GNAI1: variants seen among roughly 807,000 people sequenced by gnomAD.
GNAI1 encodes G protein subunit alpha i1.
In GNAI1, 11 loss-of-function variants were observed where a neutral mutation model predicts 38.9. That is an observed-to-expected ratio of 0.28 (90% CI 0.18 to 0.47). The LOEUF (loss-of-function observed/expected upper bound fraction) is 0.47, where lower values mean the gene tolerates loss of function less well. Among genes scored for constraint, GNAI1 ranks in the 20% least tolerant of loss-of-function variants. GNAI1 has a pLI of 0.99. For synonymous variants in GNAI1, 166 were observed against 145.1 expected, an observed-to-expected ratio of 1.14 and a Z score of -1.04; for missense variants, 317 against 436.9, an observed-to-expected ratio of 0.73 and a Z score of 2.45.
chr7:80,192,634 G>A (rs1788501678), intron 3 of GNAI1, among the ~76,000 whole-genome samples: 1 of 152,144 alleles, frequency 6.6e-6, no homozygotes, highest in Non-Finnish European at 1.5e-5. Flanking sequence ...CTCCCCACAT[G>A]CCTTGGTTAT....
At position 80,184,112 on chromosome 7, in the gene GNAI1, C is replaced by T. The variant is rs556535242; in HGVS notation, c.119-4839C>T. On this transcript the variant is annotated intron_variant, in intron 1 of 7. Coordinates refer to ENST00000649796, the MANE Select transcript of GNAI1 (RefSeq NM_002069.6). ...GGAGGACTCCTCTGTGTGCCTGTTA[C>T]CAGTAGCGAATCTGATGCATCTGCA... Among the ~76,000 whole-genome samples, 12 of 152,204 alleles carry T rather than the reference C, an allele frequency of 7.9e-5. No individual in the cohort carries two copies. In the South Asian group the frequency reaches 2.5e-3, roughly 32 times the overall value.
chr7:80,147,171 C>T (rs1026642355), intron 1 of GNAI1, among the ~76,000 whole-genome samples: 1 of 152,034 alleles, frequency 6.6e-6, no homozygotes, highest in African/African-American at 2.4e-5. Context: ...CTGTTTTCCT[C>T]TGGTAATGTT....
chr7:80,197,369 A>C (rs748941216), intron 3 of GNAI1, among the ~76,000 whole-genome samples: 1 of 151,932 alleles, frequency 6.6e-6, no homozygotes, highest in Non-Finnish European at 1.5e-5. Flanking sequence ...CTTCAGGCCT[A>C]TTCCTGGAAA....
rs1028669675 is a variant in GNAI1 at position 80,220,730 on chromosome 7, A to G, written c.*3237A>G. ...GAATACTGACAGTAACTAGAGATCA[A>G]AAAAGGCTTAAAGAGGTTAATTAAC... On this transcript the variant is annotated 3_prime_UTR_variant, in exon 8 of 8. Coordinates refer to ENST00000649796, the MANE Select transcript of GNAI1 (RefSeq NM_002069.6). Among the ~76,000 whole-genome samples the G allele has an allele frequency of 2.0e-5, 3 of 152,200 alleles. No homozygotes were observed. The highest frequency in any genetic ancestry group is 4.8e-5 in the African/African-American group (2 of 41,458).
chr7:80,193,787 G>T (rs1034639549), intron 3 of GNAI1, among the ~76,000 whole-genome samples: 2 of 152,248 alleles, frequency 1.3e-5, no homozygotes, highest in South Asian at 2.1e-4. Context: ...TTTATATTTT[G>T]TGTGTCATTT....
At chr7:80,151,651 G>C (rs1193900907) in intron 1 of GNAI1, among the ~76,000 whole-genome samples, 1 of 152,194 alleles carries the variant, frequency 6.6e-6, no homozygotes, top group Non-Finnish European at 1.5e-5. Context: ...AAAAGGCTCA[G>C]TAGTGTTCCC....
At chr7:80,164,336 T>G (rs1478684245) in intron 1 of GNAI1, among the ~76,000 whole-genome samples, 1 of 151,364 alleles carries the variant, frequency 6.6e-6, no homozygotes, top group Admixed American at 6.6e-5. Context: ...CCACCGCACC[T>G]GGCTGCTTTC....
chr7:80,137,138 C>A (rs1421693062), intron 1 of GNAI1, among the ~76,000 whole-genome samples: 1 of 151,838 alleles, frequency 6.6e-6, no homozygotes, highest in Non-Finnish European at 1.5e-5. Flanking sequence ...TAGTTAAGGA[C>A]CACTGTTCTA....
At chr7:80,141,511 A>G (rs1787525255) in intron 1 of GNAI1, among the ~76,000 whole-genome samples, 2 of 152,194 alleles carry the variant, frequency 1.3e-5, no homozygotes, top group Non-Finnish European at 2.9e-5. Flanking sequence ...AAACTCCTTT[A>G]GGTTTCAAGG....
chr7:80,139,909 ATTTTTTTTT>A (rs71076501), intron 1 of GNAI1, among the ~76,000 whole-genome samples: 83 of 121,600 alleles, frequency 6.8e-4, no homozygotes, highest in Admixed American at 1.8e-3. Context: ...TTGCCCTGCA[ATTTTTTTTT>A]TTTTTTTTTT....
At chr7:80,203,387 T>C (rs1788721310) in intron 4 of GNAI1, among the ~76,000 whole-genome samples, 1 of 152,068 alleles carries the variant, frequency 6.6e-6, no homozygotes, top group South Asian at 2.1e-4. Context: ...AACAAACTCA[T>C]GGTGTGTATT....
chr7:80,200,058 G>GT (rs1562840991), intron 4 of GNAI1, among the ~76,000 whole-genome samples: 1 of 151,760 alleles, frequency 6.6e-6, no homozygotes, highest in Non-Finnish European at 1.5e-5. Flanking sequence ...CTCATTGCTT[G>GT]TAATCCCAGC....
At chr7:80,198,052 A>G (rs566022138) in intron 3 of GNAI1, among the ~76,000 whole-genome samples, 2 of 151,970 alleles carry the variant, frequency 1.3e-5, no homozygotes, top group South Asian at 2.1e-4. Context: ...AAGAAACTTC[A>G]TATCTGGGTT....
intron 1 of GNAI1, among the ~76,000 whole-genome samples, chr7:80,156,807 T>A (rs1176800093): frequency 6.6e-6 from 1 of 152,134 alleles, no homozygotes; most frequent in Non-Finnish European, 1.5e-5. Flanking sequence ...CTTTATTTTT[T>A]AGAGTAGTTT....
At chr7:80,148,220 C>T (rs1787662180) in intron 1 of GNAI1, among the ~76,000 whole-genome samples, 2 of 152,126 alleles carry the variant, frequency 1.3e-5, no homozygotes. Flanking sequence ...AAATGGACTC[C>T]ACAGTAATTT....
At chr7:80,217,227 T>TATGAAACTGACTTCAGTTTCAGATGG in intron 7 of GNAI1, 76 bp from the exon 8 acceptor site, 2 of 966,654 alleles carry the variant, frequency 2.1e-6, no homozygotes, top group Non-Finnish European at 3.1e-6. Flanking sequence ...GTTTCATATG[T>TATGAAACTGACTTCAGTTTCAGATGG]ATGAAACTGA....
chr7:80,169,333 A>G (rs2116151377), intron 1 of GNAI1, among the ~76,000 whole-genome samples: 1 of 152,274 alleles, frequency 6.6e-6, no homozygotes, highest in African/African-American at 2.4e-5. Context: ...TCCTGAGGGA[A>G]TCCTTTTGTA....
chr7:80,140,150 A>AT (rs1244614156), intron 1 of GNAI1, among the ~76,000 whole-genome samples: 1 of 151,738 alleles, frequency 6.6e-6, no homozygotes, highest in Admixed American at 6.6e-5. Context: ...CGCCCGGCTA[A>AT]TTTTTTTGTA....
intron 1 of GNAI1, among the ~76,000 whole-genome samples, chr7:80,158,089 A>G (rs1169128870): frequency 1.3e-5 from 2 of 152,178 alleles, no homozygotes; most frequent in South Asian, 2.1e-4. Context: ...CCATTTTTAA[A>G]CTAAGTTATT....
Sources: gnomAD v4.1 joint callset for allele counts (sites outside exome capture counted in the v4.1 genomes callset) on GRCh38, gnomAD v4.1.1 for gene constraint, MANE v1.5 for transcripts, NCBI Gene and HGNC (gene_info 2026-07-23, HGNC 2026-07-21) for gene names.